UGT8: variants seen among roughly 807,000 people sequenced by gnomAD.
UGT8 encodes the protein UDP glycosyltransferase 8.
Under a neutral mutation model 40.5 loss-of-function variants are expected in UGT8, and 12 were observed. The observed-to-expected ratio is 0.30, with a 90% CI of 0.19 to 0.48. UGT8 has a LOEUF of 0.48. UGT8 is among the 20% of genes least tolerant of loss of function. UGT8 has a pLI of 0.99. For missense variants in UGT8, 513 were observed against 648.7 expected (o/e 0.79, Z 2.27); for synonymous variants, 224 against 240.4 (o/e 0.93, Z 0.63).
rs762239558 is a variant in UGT8, at chr4:114,676,165, A to C, written c.1503A>C (p.Arg501Ser). 6.2e-7 allele frequency: 1 copy of C among 1,614,216 alleles called. No homozygotes were observed. Residue 501 changes from arginine (R) to serine (S), a missense_variant, in exon 6 of 6, where the codon AGA becomes AGC. By Grantham distance (110) the Arg-to-Ser change is moderately radical (BLOSUM62 -1). Around this residue, in one of 3 missense-constraint regions of UGT8, gnomAD observed 175 missense variants for 186.7 expected, o/e 0.94. Transcript: ENST00000310836. ...CTTGGGTGACAAAATTTATCTACAG[A>C]AAAATCAAAAGTCTGTGGTCTAGAA... ...LLSWVTKFIY[R>S]KIKSLWSRNK...
intron 1 of UGT8, among the ~76,000 whole-genome samples, chr4:114,615,299 C>T (rs1731336551): frequency 6.6e-6 from 1 of 152,016 alleles, no homozygotes; most frequent in South Asian, 2.1e-4. Context: ...GTTTAGAAAG[C>T]TGGTAATGCA....
intron 1 of UGT8, among the ~76,000 whole-genome samples, chr4:114,606,449 A>AT (rs762386192): frequency 6.6e-5 from 10 of 151,988 alleles, no homozygotes; most frequent in Admixed American, 2.6e-4. Context: ...TTTTACATAG[A>AT]TTTTGCATTT....
At chr4:114,611,025 CAGG>C (rs1731007361) in intron 1 of UGT8, among the ~76,000 whole-genome samples, 1 of 152,032 alleles carries the variant, frequency 6.6e-6, no homozygotes, top group Admixed American at 6.6e-5. Context: ...TGTTTCATTG[CAGG>C]AGAAGATGAA....
At position 114,677,232 on chromosome 4, in the gene UGT8, A is replaced by C. The variant is rs1735714430; in HGVS notation, c.*944A>C. On this transcript the variant is annotated 3_prime_UTR_variant, in exon 6 of 6. Coordinates refer to ENST00000310836, the MANE Select transcript of UGT8 (RefSeq NM_001128174.3). ...TTTATGTAACTGATGGCTTTTCTAT[A>C]ATGTAATTTTTGAATGTTCAGGTGT... 6.6e-6 allele frequency: 1 copy of C among 152,198 alleles called. No individual in the cohort carries two copies. The highest frequency in any genetic ancestry group is 2.4e-5 in the African/African-American group (1 of 41,452). The allele number at this position is 152,198 out of a possible 1,614,324, so 9.4% of individuals were successfully genotyped here.
At chr4:114,637,941 A>G (rs1242563401) in intron 2 of UGT8, among the ~76,000 whole-genome samples, 1 of 152,228 alleles carries the variant, frequency 6.6e-6, no homozygotes, top group African/African-American at 2.4e-5. Context: ...ACGAACCTTC[A>G]GAATTACAGG....
chr4:114,661,238 T>G (rs939674432), intron 2 of UGT8, among the ~76,000 whole-genome samples: 1 of 152,150 alleles, frequency 6.6e-6, no homozygotes, highest in African/African-American at 2.4e-5. Context: ...GAAGTACTTT[T>G]ACTTGTAAAA....
At chr4:114,608,931 T>A (rs1730885609) in intron 1 of UGT8, among the ~76,000 whole-genome samples, 1 of 152,240 alleles carries the variant, frequency 6.6e-6, no homozygotes, top group Admixed American at 6.5e-5. Flanking sequence ...ATAGACCTTT[T>A]ATAACAATTA....
chr4:114,643,877 A>C (rs926242730), intron 2 of UGT8, among the ~76,000 whole-genome samples: 3 of 152,158 alleles, frequency 2.0e-5, no homozygotes, highest in Non-Finnish European at 4.4e-5. Flanking sequence ...GGTTTCAAGA[A>C]ATACTGGTGG....
rs34026143 is a variant in UGT8, at chr4:114,660,890, CAAAA to C, written c.823-3088_823-3085del. Reference sequence around the variant, plus strand: ...TGGGTGACTGAGCGAGACTCTGTCTCAAAAAAAAAAAAAAAAAAAATTATAATTC... The same window carrying C: ...TGGGTGACTGAGCGAGACTCTGTCTCAAAAAAAAAAAAAAAATTATAATTC... On this transcript the variant is annotated intron_variant, in intron 2 of 5. Coordinates refer to ENST00000310836, the MANE Select transcript of UGT8 (RefSeq NM_001128174.3). Among the ~76,000 whole-genome samples the C allele has an allele frequency of 2.2e-4, 23 of 102,994 alleles. 1 individual carries two copies. The South Asian group carries it at 7.0e-3, about 32-fold the overall frequency. 67.6% of individuals were successfully genotyped at this position (102,994 alleles called of 152,430 possible).
In UGT8 at chr4:114,648,505, A is replaced by C. The variant is rs142769367; in HGVS notation, c.823-15490A>C. ...CATTATGGCACAAAAATGAGACTTC[A>C]GGTATATATAATTTATTTCAATTTT... is the stretch of plus-strand genomic sequence containing the variant. On this transcript the variant is annotated intron_variant, in intron 2 of 5. Coordinates refer to ENST00000310836, the MANE Select transcript of UGT8 (RefSeq NM_001128174.3). Among the ~76,000 whole-genome samples the C allele has an allele frequency of 1.0e-3, 154 of 152,088 alleles. 5 individuals carry two copies. In the East Asian group the frequency reaches 0.027, roughly 27 times the overall value.
chr4:114,610,382 T>C (rs1730968320), intron 1 of UGT8, among the ~76,000 whole-genome samples: 1 of 152,246 alleles, frequency 6.6e-6, no homozygotes, highest in African/African-American at 2.4e-5. Context: ...GGTACAAATA[T>C]ATTGTGTCAA....
intron 1 of UGT8, among the ~76,000 whole-genome samples, chr4:114,609,455 C>T (rs986518706): frequency 7.9e-5 from 12 of 152,094 alleles, no homozygotes; most frequent in African/African-American, 2.7e-4. Flanking sequence ...TATACTTTTT[C>T]TTCAAACTTC....
At chr4:114,662,588 C>A (rs1578462629) in intron 2 of UGT8, among the ~76,000 whole-genome samples, 1 of 152,204 alleles carries the variant, frequency 6.6e-6, no homozygotes, top group Non-Finnish European at 1.5e-5. Context: ...GAAGGATGTA[C>A]CTCCTTTCTG....
At position 114,631,129 on chromosome 4, in the gene UGT8, A is replaced by T. The variant is rs551961159; in HGVS notation, c.822+7427A>T. ...GCAACCAACCCCAATATTTATACTG[A>T]CTTCTTCCTATATTATTTATTAGGT... On this transcript the variant is annotated intron_variant, in intron 2 of 5. Coordinates refer to ENST00000310836, the MANE Select transcript of UGT8 (RefSeq NM_001128174.3). 5.3e-5 allele frequency among the ~76,000 whole-genome samples: 8 copies of T among 152,282 alleles called. 1 individual carries two copies. The South Asian group carries it at 1.7e-3, about 32-fold the overall frequency.
intron 2 of UGT8, among the ~76,000 whole-genome samples, chr4:114,624,050 A>G (rs1426543247): frequency 6.6e-6 from 1 of 152,240 alleles, no homozygotes; most frequent in African/African-American, 2.4e-5. Flanking sequence ...TTAATTACAC[A>G]CAGAATCCCC....
At chr4:114,652,891 A>T (rs11931776) in intron 2 of UGT8, among the ~76,000 whole-genome samples, 143,848 of 152,036 alleles carry the variant, frequency 0.95, 68,621 homozygotes, top group East Asian at 1. Flanking sequence ...AGAATAAGAT[A>T]TATTTTTAAA....
intron 4 of UGT8, among the ~76,000 whole-genome samples, chr4:114,666,425 T>C (rs1281979779): frequency 6.6e-6 from 1 of 152,160 alleles, no homozygotes; most frequent in Non-Finnish European, 1.5e-5. Flanking sequence ...TAAAAACCAG[T>C]AAAGAATTTT....
In UGT8 at chr4:114,678,198, TTAAA is replaced by T. The variant is rs890522896; in HGVS notation, c.*1914_*1917del. The T allele has an allele frequency of 9.9e-5, 15 of 152,160 alleles. No individual in the cohort carries two copies. Among genetic ancestry groups the T allele is most frequent in the African/African-American group, 3.6e-4 (15 of 41,438 alleles). 9.4% of individuals were successfully genotyped at this position (152,160 alleles called of 1,614,324 possible). ...AGTTAATCTCCACTGTGATAAAAAC[TTAAA>T]TAATAAACATGATTTAAAATAGAGA... On this transcript the variant is annotated 3_prime_UTR_variant, in exon 6 of 6. Coordinates refer to ENST00000310836, the MANE Select transcript of UGT8 (RefSeq NM_001128174.3).
At chr4:114,600,074 GA>G (rs1730352370) in intron 1 of UGT8, among the ~76,000 whole-genome samples, 1 of 152,136 alleles carries the variant, frequency 6.6e-6, no homozygotes, top group Admixed American at 6.5e-5. Context: ...AGAGAGTTCT[GA>G]GAACTAACGC....
Sources: allele counts gnomAD v4.1 joint callset (sites outside exome capture counted in the v4.1 genomes callset), GRCh38; gene constraint gnomAD v4.1.1; regional missense constraint gnomAD v4.1.1; transcripts MANE v1.5; gene names NCBI Gene and HGNC (gene_info 2026-07-23, HGNC 2026-07-21).